MAP4K3: variants seen among roughly 807,000 people sequenced by gnomAD.
MAP4K3 encodes mitogen-activated protein kinase kinase kinase kinase 3.
Under a neutral mutation model 143.5 loss-of-function variants are expected in MAP4K3, and 94 were observed. That is an observed-to-expected ratio of 0.65 (90% confidence interval 0.55 to 0.78). The LOEUF (loss-of-function observed/expected upper bound fraction) is 0.78, where lower values mean the gene tolerates loss of function less well. Among genes scored for constraint, MAP4K3 ranks in the 30% least tolerant of loss-of-function variants. The pLI, the probability that MAP4K3 is intolerant of heterozygous loss-of-function variation, is 0.00. For missense variants in MAP4K3, 1,077 were observed against 1,068.1 expected, an observed-to-expected ratio of 1.01 and a Z score of -0.12; for synonymous variants, 416 against 347.2, an observed-to-expected ratio of 1.20 and a Z score of -2.20.
intron 12 of MAP4K3, chr2:39,323,660 T>C (rs1683393255): frequency 6.6e-6 from 1 of 151,970 alleles, no homozygotes; most frequent in African/African-American, 2.4e-5. Context: ...AGAAAGAAAA[T>C]TAGAAAGCAA....
intron 12 of MAP4K3, among the ~76,000 whole-genome samples, chr2:39,320,377 T>TG (rs1196758299): frequency 1.3e-5 from 2 of 152,182 alleles, no homozygotes; most frequent in African/African-American, 4.8e-5. Context: ...ATTTTTTGTG[T>TG]GAAAAATCAA....
chr2:39,424,524 A>G (rs1054529004), intron 1 of MAP4K3, among the ~76,000 whole-genome samples: 2 of 152,016 alleles, frequency 1.3e-5, no homozygotes, highest in Non-Finnish European at 2.9e-5. Context: ...GTAAAGCAAA[A>G]ACAGTTTTTT....
chr2:39,383,229 G>A (rs952690094), intron 1 of MAP4K3, among the ~76,000 whole-genome samples: 2 of 152,124 alleles, frequency 1.3e-5, no homozygotes, highest in Non-Finnish European at 2.9e-5. Context: ...TCACAATTCC[G>A]CAGGGTTGGG....
At chr2:39,436,858 C>T (rs1329043837) in intron 1 of MAP4K3, 34 bp downstream of exon 1, 2 of 1,577,120 alleles carry the variant, frequency 1.3e-6, no homozygotes. Context: ...GTCGGGATCC[C>T]ACGGCCTCGG....
chr2:39,336,471 C>CAAAAAAAAAAA (rs55780656), intron 6 of MAP4K3, among the ~76,000 whole-genome samples: 11 of 38,680 alleles, frequency 2.8e-4, no homozygotes, highest in African/African-American at 1.3e-3. Flanking sequence ...GACTCCATCT[C>CAAAAAAAAAAA]AAAAAAAAAA....
chr2:39,355,264 G>C lies in MAP4K3; in HGVS notation c.245+985C>G, dbSNP rs1473081845. On this transcript the variant is annotated intron_variant, in intron 3 of 33. Transcript: ENST00000263881. ...CAGTCCCAGGTACTCAGGAGGCTGA[G>C]GCAGGGGAATCACTTGAACCCGGGA... is the stretch of plus-strand genomic sequence containing the variant. 1.3e-5 allele frequency among the ~76,000 whole-genome samples: 2 copies of C among 151,398 alleles called. 1 individual carries two copies. The highest frequency in any genetic ancestry group is 4.9e-5 in the African/African-American group (2 of 41,014).
intron 1 of MAP4K3, among the ~76,000 whole-genome samples, chr2:39,398,280 G>A (rs1192814408): frequency 1.3e-5 from 2 of 151,008 alleles, no homozygotes; most frequent in Non-Finnish European, 1.5e-5. Flanking sequence ...ACCAACAAAC[G>A]AATACTATAT....
At chr2:39,263,229 A>T (rs1473824992) in intron 28 of MAP4K3, among the ~76,000 whole-genome samples, 1 of 152,116 alleles carries the variant, frequency 6.6e-6, no homozygotes, top group Non-Finnish European at 1.5e-5. Flanking sequence ...ATAAATACTG[A>T]TAGAAATAAT....
intron 20 of MAP4K3, 51 bp downstream of exon 20, chr2:39,288,070 C>T (rs1681874779): frequency 1.3e-6 from 2 of 1,596,502 alleles, no homozygotes; most frequent in Admixed American, 1.7e-5. Flanking sequence ...TTTTTTTCTC[C>T]CCATAGTATG....
chr2:39,273,352 C>G (rs535933783), intron 24 of MAP4K3, among the ~76,000 whole-genome samples: 2 of 152,200 alleles, frequency 1.3e-5, no homozygotes, highest in African/African-American at 4.8e-5. Context: ...GAAGGAGGAC[C>G]CAGGAATCTA....
Position 39,344,160 on chromosome 2 carries a change from C to T in MAP4K3, c.246-708G>A, listed in dbSNP as rs144365086. Among the ~76,000 whole-genome samples, 491 of 152,306 alleles carry T rather than the reference C, an allele frequency of 3.2e-3. 3 individuals are homozygous for T. The highest frequency in any genetic ancestry group is 0.011 in the African/African-American group (473 of 41,562). The stretch of plus-strand genomic sequence containing the variant: ...CCTTAATATATGTCTGTCTCTCTCA[C>T]CACTGCCTTCTTAGTGTCTAGAAGA... On this transcript the variant is annotated intron_variant, in intron 3 of 33. Coordinates refer to ENST00000263881, the MANE Select transcript of MAP4K3 (RefSeq NM_003618.4).
Position 39,269,429 on chromosome 2 carries a change from G to T in MAP4K3, c.1974-2182C>A, listed in dbSNP as rs1573075504. ...TTCAGTCCCTCCAATAAAGAGGTAG[G>T]TTACAGCATAGAAATCTGAAGCTTA... On this transcript the variant is annotated intron_variant, in intron 26 of 33. Transcript: ENST00000263881. Among the ~76,000 whole-genome samples, 5 of 147,530 alleles carry T rather than the reference G, an allele frequency of 3.4e-5. No homozygotes were observed. The South Asian group carries it at 1.1e-3, about 32-fold the overall frequency.
chr2:39,360,079 T>C (rs529375559), intron 2 of MAP4K3, among the ~76,000 whole-genome samples: 2 of 152,354 alleles, frequency 1.3e-5, no homozygotes, highest in South Asian at 2.1e-4. Context: ...TATCGCATTG[T>C]TGGGCTGCAA....
intron 2 of MAP4K3, among the ~76,000 whole-genome samples, chr2:39,360,242 A>G (rs1665728879): frequency 6.6e-6 from 1 of 152,188 alleles, no homozygotes. Flanking sequence ...CTAAAGCCTA[A>G]CAAGAGTCAC....
chr2:39,261,347 T>G (rs1680559124), intron 28 of MAP4K3, among the ~76,000 whole-genome samples: 1 of 152,204 alleles, frequency 6.6e-6, no homozygotes, highest in Admixed American at 6.5e-5. Flanking sequence ...TTTATATTGC[T>G]ACAAAGAATA....
intron 1 of MAP4K3, among the ~76,000 whole-genome samples, chr2:39,417,350 G>C (rs900280000): frequency 6.6e-6 from 1 of 151,970 alleles, no homozygotes; most frequent in African/African-American, 2.4e-5. Context: ...CTCCTGAATA[G>C]CTGGGACTAC....
In MAP4K3 at chr2:39,433,301, C is replaced by T. The variant is rs554941633; in HGVS notation, c.96+3591G>A. On this transcript the variant is annotated intron_variant, in intron 1 of 33. Transcript: ENST00000263881. ...TAAAACCATAAGACTAGGTAAGATACTTCCTCAGAAACCATATTGAGACTA... is the reference window on the plus strand; with the variant it reads ...TAAAACCATAAGACTAGGTAAGATATTTCCTCAGAAACCATATTGAGACTA... Among the ~76,000 whole-genome samples, 9 of 152,278 alleles carry T rather than the reference C, an allele frequency of 5.9e-5. No homozygotes were observed. The South Asian group carries it at 1.9e-3, about 32-fold the overall frequency.
In MAP4K3 at chr2:39,288,150, C is replaced by G; in HGVS notation, c.1445G>C (p.Arg482Thr). Reference sequence around the variant, plus strand: ...GGCAACAGGTTTGTGTGGGGGTAATCTGGGAGGTGGTGGTCTAGGTGGAAC... The same window carrying G: ...GGCAACAGGTTTGTGTGGGGGTAATGTGGGAGGTGGTGGTCTAGGTGGAAC... ...SQVPPRPPPP[R>T]LPPHKPVALG... The change falls in exon 20 of 34, where the codon AGA (arginine) becomes ACA (threonine). Residue 482 changes from arginine to threonine, a missense_variant. Physicochemically the swap from Arg to Thr is moderately conservative, Grantham distance 71. Coordinates refer to ENST00000263881, the MANE Select transcript of MAP4K3 (RefSeq NM_003618.4). The G allele has an allele frequency of 6.2e-7, 1 of 1,614,034 alleles. No individual in the cohort carries two copies.
chr2:39,292,737 C>G, intron 18 of MAP4K3, 36 bp downstream of exon 18: 1 of 1,562,224 alleles, frequency 6.4e-7, no homozygotes, highest in Non-Finnish European at 8.8e-7. Context: ...TCAAATGACA[C>G]CTTTTCTTTT....
Sources: gnomAD v4.1 joint callset for allele counts (sites outside exome capture counted in the v4.1 genomes callset) on GRCh38, gnomAD v4.1.1 for gene constraint, MANE v1.5 for transcripts, NCBI Gene and HGNC (gene_info 2026-07-23, HGNC 2026-07-21) for gene names.